Variants in PIK3AP1 observed in about 807,000 individuals in gnomAD.
PIK3AP1 encodes the protein phosphoinositide 3-kinase adapter protein 1.
In PIK3AP1, 21 loss-of-function variants were observed where a neutral mutation model predicts 88.1. That is an observed-to-expected ratio of 0.24 (90% CI 0.17 to 0.34). The LOEUF (loss-of-function observed/expected upper bound fraction) is 0.34. PIK3AP1 is among the 10% of genes least tolerant of loss of function. PIK3AP1 has a pLI of 1.00. For synonymous variants in PIK3AP1, 398 were observed against 400.0 expected (o/e 1.00, Z 0.06); for missense variants, 828 against 1,035.7 (o/e 0.80, Z 2.75).
At chr10:96,634,451 G>A (rs1018775630) in intron 8 of PIK3AP1, among the ~76,000 whole-genome samples, 4 of 152,214 alleles carry the variant, frequency 2.6e-5, no homozygotes, top group South Asian at 2.1e-4. Context: ...TCGGCATCAC[G>A]ATCAGAAGCA....
At chr10:96,632,976 T>C (rs751280244) in intron 8 of PIK3AP1, 2 of 1,612,832 alleles carry the variant, frequency 1.2e-6, no homozygotes, top group East Asian at 4.5e-5. Flanking sequence ...CTGGTCTTCC[T>C]TTGAGCCAGT....
chr10:96,623,651 T>A, intron 10 of PIK3AP1, 114 bp from the exon 11 acceptor site: 2 of 899,576 alleles, frequency 2.2e-6, no homozygotes, highest in Middle Eastern at 3.0e-4. Context: ...AAATCAAAAT[T>A]GTAGAAAGAG....
intron 2 of PIK3AP1, among the ~76,000 whole-genome samples, chr10:96,662,913 A>C (rs1486703025): frequency 4.5e-4 from 67 of 147,666 alleles, no homozygotes; most frequent in Non-Finnish European, 7.9e-4. Flanking sequence ...AAAAAAAAAA[A>C]AAAAGAGGGA....
intron 3 of PIK3AP1, 75 bp downstream of exon 3, chr10:96,656,723 T>C: frequency 2.5e-6 from 4 of 1,580,882 alleles, no homozygotes; most frequent in Middle Eastern, 2.2e-4. Context: ...AACCACTCTC[T>C]TTACTGCAAC....
intron 2 of PIK3AP1, 135 bp downstream of exon 2, chr10:96,709,432 C>A: frequency 9.2e-7 from 1 of 1,085,796 alleles, no homozygotes; most frequent in South Asian, 1.6e-5. Context: ...CAGAAATAGG[C>A]TGCTCTAAAC....
chr10:96,644,329 TTATACC>T (rs1274228028), intron 8 of PIK3AP1, among the ~76,000 whole-genome samples: 1 of 152,246 alleles, frequency 6.6e-6, no homozygotes, highest in East Asian at 1.9e-4. Context: ...TGATACATAT[TTATACC>T]TATGTGTATA....
At chr10:96,669,561 C>CTTT (rs1843813504) in intron 2 of PIK3AP1, 1 of 152,084 alleles carries the variant, frequency 6.6e-6, no homozygotes, top group Non-Finnish European at 1.5e-5. Context: ...GAAGCCGAGT[C>CTTT]GGGAGGATTG....
At position 96,720,245 on chromosome 10, in the gene PIK3AP1, A is replaced by G. The variant is rs1263323851; in HGVS notation, c.13+137T>C. 1.1e-6 allele frequency: 1 copy of G among 910,476 alleles called. No homozygotes were observed. Among genetic ancestry groups the G allele is most frequent in the Non-Finnish European group, 1.4e-6 (1 of 695,324 alleles). 56.4% of individuals were successfully genotyped at this position (910,476 alleles called of 1,614,324 possible). A position where few individuals can be genotyped will look rare whatever the true frequency, so the allele number is the denominator to read the frequency against. ...GAGTGGGAAGTTTGCGACAGGGAAC[A>G]TAGAAAAGAGCAGAAAGAGGGCAAG... On this transcript the variant is annotated intron_variant, in intron 1 of 16. Transcript: ENST00000339364. This position sits in a 1 kb window ranked among gnomAD's most constrained non-coding sequence, Gnocchi z 4.6.
chr10:96,714,461 T>C (rs1844477440), intron 1 of PIK3AP1, among the ~76,000 whole-genome samples: 1 of 152,242 alleles, frequency 6.6e-6, no homozygotes, highest in African/African-American at 2.4e-5. Context: ...ATCTCTAAGT[T>C]GCACCCAATT....
At chr10:96,629,930 A>AAAAAAAAAAAAAAAG (rs776780994) in intron 8 of PIK3AP1, among the ~76,000 whole-genome samples, 2 of 13,726 alleles carry the variant, frequency 1.5e-4, no homozygotes, top group African/African-American at 1.8e-4. Context: ...AAAAAAAAAA[A>AAAAAAAAAAAAAAAG]AAGAAGAAGA....
rs766566195 is a variant in PIK3AP1, at chr10:96,648,761, G to A, written c.1083C>T (p.Ala361=). ...LTALLLTCPG[A]LQAYSVANKH... ...TGTTGGCCACGCTGTACGCCTGCAG[G>A]GCTCCTGGGCAGGTGAGCAACAAGG... Residue 361 remains alanine, a synonymous_variant, in exon 7 of 17, where the codon GCC becomes GCT. Transcript: ENST00000339364. 5.0e-6 allele frequency: 8 copies of A among 1,610,290 alleles called. No homozygotes were observed. In the Admixed American group the frequency reaches 1.4e-4, roughly 27 times the overall value.
intron 2 of PIK3AP1, among the ~76,000 whole-genome samples, chr10:96,680,516 G>A (rs1161957080): frequency 6.6e-6 from 1 of 152,058 alleles, no homozygotes; most frequent in African/African-American, 2.4e-5. Flanking sequence ...GTATCCATGT[G>A]TTCTCATCAT....
At chr10:96,629,924 A>AGAAG (rs1554955569) in intron 8 of PIK3AP1, among the ~76,000 whole-genome samples, 1 of 57,876 alleles carries the variant, frequency 1.7e-5, no homozygotes, top group South Asian at 8.5e-4. Context: ...AAAAAAAAAA[A>AGAAG]AAAAAAAAGA....
chr10:96,708,596 A>AG lies in PIK3AP1; in HGVS notation c.430+970_430+971insC, dbSNP rs1489378786. ...TCTCAAAAAAAAAAAAAAAAAAAAA[A>AG]AAAAAGCAAAAAGAAAGCAAAAAGA... On this transcript the variant is annotated intron_variant, in intron 2 of 16. Coordinates refer to ENST00000339364, the MANE Select transcript of PIK3AP1 (RefSeq NM_152309.3). 3.0e-3 allele frequency among the ~76,000 whole-genome samples: 450 copies of AG among 150,424 alleles called. 3 individuals are homozygous for AG. Among genetic ancestry groups the AG allele is most frequent in the African/African-American group, 0.011 (428 of 40,746 alleles).
intron 2 of PIK3AP1, among the ~76,000 whole-genome samples, chr10:96,679,789 G>A (rs1488484975): frequency 2.0e-5 from 3 of 152,166 alleles, no homozygotes; most frequent in African/African-American, 7.2e-5. Context: ...TTCTCAAGCT[G>A]GTGGCAAGAC....
Position 96,602,904 on chromosome 10 carries a change from A to G in PIK3AP1, c.2242-506T>C, listed in dbSNP as rs561919006. Among the ~76,000 whole-genome samples the G allele has an allele frequency of 1.3e-4, 20 of 152,328 alleles. No homozygotes were observed. The South Asian group carries it at 4.1e-3, about 32-fold the overall frequency. ...AGGGGACTGTGGAGAAGCAGAAGGC[A>G]GAGGTGTGAGGGGAAAGAAAGCGGA... On this transcript the variant is annotated intron_variant, in intron 15 of 16. Coordinates refer to ENST00000339364, the MANE Select transcript of PIK3AP1 (RefSeq NM_152309.3).
At chr10:96,652,955 G>A (rs1047416647) in intron 3 of PIK3AP1, 113 bp from the exon 4 acceptor site, 10 of 1,240,206 alleles carry the variant, frequency 8.1e-6, no homozygotes, top group African/African-American at 6.0e-5. Context: ...AGAATCTCTG[G>A]GGACAGGGTG....
At chr10:96,654,939 G>T (rs1249941076) in intron 3 of PIK3AP1, among the ~76,000 whole-genome samples, 1 of 152,212 alleles carries the variant, frequency 6.6e-6, no homozygotes, top group Non-Finnish European at 1.5e-5. Context: ...GCCAACTGGG[G>T]GATGCATGGC....
chr10:96,694,218 G>C (rs1366287502), intron 2 of PIK3AP1, among the ~76,000 whole-genome samples: 1 of 152,132 alleles, frequency 6.6e-6, no homozygotes, highest in African/African-American at 2.4e-5. Context: ...TCCCTCTCCT[G>C]CTAGGACACA....
Sources: gnomAD v4.1 joint callset for allele counts (sites outside exome capture counted in the v4.1 genomes callset) on GRCh38, gnomAD v4.1.1 for gene constraint, Gnocchi (gnomAD v3.1) non-coding constraint, MANE v1.5 for transcripts, NCBI Gene and HGNC (gene_info 2026-07-23, HGNC 2026-07-21) for gene names.